KIAA1586: variants seen among roughly 807,000 people sequenced by gnomAD.
The protein encoded by KIAA1586 is E3 SUMO-protein ligase KIAA1586.
In KIAA1586, 5 loss-of-function variants were observed where a neutral mutation model predicts 6.1. The ratio of observed to expected loss-of-function variants is 0.82; its 90% confidence interval spans 0.43 to 1.73. The LOEUF is 1.73. Ranked by LOEUF, KIAA1586 falls within the 40% of genes most tolerant of loss-of-function variation. KIAA1586 has a pLI of 0.02. For missense variants in KIAA1586, 899 were observed against 878.2 expected (o/e 1.02, Z -0.30); for synonymous variants, 280 against 301.7 (o/e 0.93, Z 0.75).
rs772964232 is a variant in KIAA1586, at chr6:57,052,837, A to G, written c.338A>G (p.Gln113Arg). ...GAACCACATTTCGAGTATATTGAACAACCAATCATTGAAGAAAAGCCATCA... is the reference window on the plus strand; with the variant it reads ...GAACCACATTTCGAGTATATTGAACGACCAATCATTGAAGAAAAGCCATCA... The part of the protein sequence containing the change: ...AKEPHFEYIE[Q>R]PIIEEKPSLS... The change falls in exon 4 of 4, where the codon CAA becomes CGA. Residue 113 changes from glutamine to arginine, a missense_variant. Gln to Arg is a conservative substitution (Grantham distance 43, BLOSUM62 1). Transcript: ENST00000370733. 6 of 1,613,578 alleles carry G rather than the reference A, an allele frequency of 3.7e-6. No individual in the cohort carries two copies. The highest frequency in any genetic ancestry group is 3.3e-5 in the South Asian group (3 of 90,972).
chr6:57,057,206 C>A (rs559727839), downstream of KIAA1586, among the ~76,000 whole-genome samples: 1 of 149,056 alleles, frequency 6.7e-6, no homozygotes, highest in Non-Finnish European at 1.5e-5. Context: ...CCAGCCTGGG[C>A]GACAGAGCGA....
Position 57,053,907 on chromosome 6 carries a change from G to T in KIAA1586, c.1408G>T (p.Glu470Ter). The change falls in exon 4 of 4, where the codon GAA becomes TAA. Residue 470 changes from glutamate to a stop codon, truncating the protein, a stop_gained. Coordinates refer to ENST00000370733, the MANE Select transcript of KIAA1586 (RefSeq NM_020931.4). LOFTEE classifies it low-confidence loss of function (END_TRUNC). ...TCTAGGAACTGTAGCTAAAGAACTT[G>T]AAACTGAAATTATTAAAATTGGTCG... The part of the protein sequence containing the change: ...KLLGTVAKEL[E>*]TEIIKIGRVM... 1 of 1,582,336 alleles carries T rather than the reference G, an allele frequency of 6.3e-7. No individual in the cohort carries two copies. Among genetic ancestry groups the T allele is most frequent in the Non-Finnish European group, 8.6e-7 (1 of 1,168,042 alleles).
intron 3 of KIAA1586, among the ~76,000 whole-genome samples, chr6:57,051,925 G>A (rs1646737817): frequency 6.6e-6 from 1 of 152,144 alleles, no homozygotes. Context: ...GGTGAGCTGA[G>A]ATCGCGCCAC....
the KIAA1586 span, among the ~76,000 whole-genome samples, chr6:57,065,886 A>G: frequency 4.6e-5 from 7 of 152,178 alleles, no homozygotes; most frequent in African/African-American, 1.2e-4. Context: ...TACATGGCCT[A>G]TCTTTTCACT....
At chr6:57,059,749 A>G (rs961111469), downstream of KIAA1586, among the ~76,000 whole-genome samples, 1 of 152,174 alleles carries the variant, frequency 6.6e-6, no homozygotes, top group African/African-American at 2.4e-5. Context: ...TCAGTTTCAC[A>G]TTGTTGTTCC....
chr6:57,052,269 A>G (rs988891970), intron 3 of KIAA1586, among the ~76,000 whole-genome samples: 1 of 152,240 alleles, frequency 6.6e-6, no homozygotes, highest in African/African-American at 2.4e-5. Flanking sequence ...TGGCATTGAT[A>G]TTATATTAGG....
rs1006038812 is a variant in KIAA1586 at position 57,050,809 on chromosome 6, T to A, written c.141T>A (p.Asp47Glu). 6.2e-6 allele frequency: 10 copies of A among 1,613,434 alleles called. No individual in the cohort carries two copies. The highest frequency in any genetic ancestry group is 8.5e-6 in the Non-Finnish European group (10 of 1,179,604). The change falls in exon 3 of 4, where the codon GAT (aspartate) becomes GAA (glutamate). Residue 47 changes from aspartate to glutamate, a missense_variant. By Grantham distance (45) the Asp-to-Glu change is conservative. Transcript: ENST00000370733. Reference protein sequence around the residue: ...GPSRPVLEYIDLVCGDDENPS... With the variant: ...GPSRPVLEYIELVCGDDENPS... ...CGAGACCTGTTCTTGAATACATCGA[T>A]CTGGTCTGTGGTGATGATGAAAACC... is the stretch of plus-strand genomic sequence containing the variant.
downstream of KIAA1586, among the ~76,000 whole-genome samples, chr6:57,059,451 T>C (rs1347294625): frequency 6.6e-6 from 1 of 151,504 alleles, no homozygotes; most frequent in African/African-American, 2.4e-5. Context: ...AATTAGCTGG[T>C]GTGGTGGTGG....
chr6:57,061,956 G>A, the KIAA1586 span, among the ~76,000 whole-genome samples: 53 of 147,408 alleles, frequency 3.6e-4, no homozygotes, highest in African/African-American at 1.3e-3. Context: ...TTTTTAGACA[G>A]GGTCTCACTC....
downstream of KIAA1586, among the ~76,000 whole-genome samples, chr6:57,060,016 T>G (rs908259999): frequency 6.6e-6 from 1 of 152,224 alleles, no homozygotes; most frequent in East Asian, 1.9e-4. Flanking sequence ...TTCTTGCCCC[T>G]TGTTAATACT....
At chr6:57,062,917 G>A in the KIAA1586 span, among the ~76,000 whole-genome samples, 62 of 152,172 alleles carry the variant, frequency 4.1e-4, no homozygotes, top group African/African-American at 1.3e-3. Flanking sequence ...CGGGCGTGGC[G>A]GCATGTGCCT....
the KIAA1586 span, among the ~76,000 whole-genome samples, chr6:57,061,930 G>C: frequency 6.7e-6 from 1 of 150,080 alleles, no homozygotes; most frequent in African/African-American, 2.4e-5. Context: ...TTTTTTCCTA[G>C]GTTTTCTTTT....
intron 3 of KIAA1586, among the ~76,000 whole-genome samples, chr6:57,052,150 T>C (rs1828345938): frequency 6.6e-6 from 1 of 152,220 alleles, no homozygotes; most frequent in Non-Finnish European, 1.5e-5. Flanking sequence ...TCATATACTG[T>C]GGGTTCCACA....
At chr6:57,065,827 T>G in the KIAA1586 span, among the ~76,000 whole-genome samples, 1 of 151,058 alleles carries the variant, frequency 6.6e-6, no homozygotes, top group Non-Finnish European at 1.5e-5. Context: ...TCCTCTGTAG[T>G]TTTTATCTTT....
intron 3 of KIAA1586, among the ~76,000 whole-genome samples, chr6:57,051,442 A>G (rs1828322574): frequency 6.6e-6 from 1 of 151,674 alleles, no homozygotes; most frequent in Non-Finnish European, 1.5e-5. Flanking sequence ...TTAATACATA[A>G]TAGTGTCCTG....
intron 3 of KIAA1586, 72 bp downstream of exon 3, chr6:57,050,926 T>TG (rs1828306206): frequency 3.6e-6 from 4 of 1,120,920 alleles, no homozygotes; most frequent in Non-Finnish European, 5.4e-6. Flanking sequence ...TAGCTTGAAC[T>TG]GGATCATAAG....
At chr6:57,058,756 C>T (rs185531962), downstream of KIAA1586, among the ~76,000 whole-genome samples, 2 of 152,190 alleles carry the variant, frequency 1.3e-5, no homozygotes, top group East Asian at 3.9e-4. Flanking sequence ...TTGAAGTTTT[C>T]ATTGTATTTG....
At chr6:57,057,007 T>G (rs1287568867), downstream of KIAA1586, among the ~76,000 whole-genome samples, 2 of 151,868 alleles carry the variant, frequency 1.3e-5, no homozygotes, top group East Asian at 3.9e-4. Flanking sequence ...GGCAGGTGGA[T>G]CATGAGGTTA....
downstream of KIAA1586, among the ~76,000 whole-genome samples, chr6:57,056,857 A>G (rs1374224392): frequency 6.6e-6 from 1 of 152,010 alleles, no homozygotes; most frequent in Non-Finnish European, 1.5e-5. Flanking sequence ...TTTTAAATGG[A>G]TAAATGTGAA....
Sources: gnomAD v4.1 joint callset for allele counts (sites outside exome capture counted in the v4.1 genomes callset) on GRCh38, gnomAD v4.1.1 for gene constraint, MANE v1.5 for transcripts, NCBI Gene and HGNC (gene_info 2026-07-23, HGNC 2026-07-21) for gene names.